TSHZ3: variants seen among roughly 807,000 people sequenced by gnomAD.
The protein encoded by TSHZ3 is teashirt zinc finger homeobox 3, also known as teashirt homolog 3.
A neutral mutation model predicts 64.5 loss-of-function variants in TSHZ3; 10 were observed. That is an observed-to-expected ratio of 0.16 (90% CI 0.10 to 0.26). TSHZ3 has a LOEUF of 0.26. TSHZ3 is among the 10% of genes least tolerant of loss of function. The pLI is 1.00. For missense variants in TSHZ3, 1,242 were observed against 1,421.7 expected (o/e 0.87, Z 2.03); for synonymous variants, 608 against 593.1 (o/e 1.03, Z -0.36).
chr19:31,240,773 T>C (rs1975677735), intron 3 of TSHZ3, among the ~76,000 whole-genome samples: 1 of 152,194 alleles, frequency 6.6e-6, no homozygotes, highest in African/African-American at 2.4e-5. Context: ...TCCTTCTTTC[T>C]CTGCCCAGTT....
At chr19:31,299,789 G>A (rs1339938346) in intron 1 of TSHZ3, among the ~76,000 whole-genome samples, 2 of 152,160 alleles carry the variant, frequency 1.3e-5, no homozygotes, top group Non-Finnish European at 2.9e-5. Flanking sequence ...ACTGGGTCCG[G>A]GACCCAAGTC....
rs1342719454 is a variant in TSHZ3, at chr19:31,279,082, C to A, written c.711G>T (p.Gly237=). 4 of 1,614,036 alleles carry A rather than the reference C, an allele frequency of 2.5e-6. No individual in the cohort carries two copies. The East Asian group carries it at 6.7e-5, about 27-fold the overall frequency. Residue 237 remains glycine (G), a synonymous_variant, in exon 2 of 2, where the codon GGG becomes GGT. Transcript: ENST00000240587. The surrounding 1 kb of genome is among the most constrained non-coding windows in gnomAD (Gnocchi z 6.4). The stretch of plus-strand genomic sequence containing the variant: ...TCTCATGGTTGTCGTCGCGGTAATG[C>A]CCCGTCTCGTTCATGTGCACCGTCA... ...VELTVHMNET[G]HYRDDNHETD...
At chr19:31,256,382 A>G (rs73927323) in intron 1 of TSHZ3, among the ~76,000 whole-genome samples, 2,050 of 152,184 alleles carry the variant, frequency 0.013, 50 homozygotes, top group African/African-American at 0.046. Context: ...TGCAGTAGAC[A>G]GAGAGAAAGA....
chr19:31,183,989 TAA>T (rs1376930861), intron 5 of TSHZ3, among the ~76,000 whole-genome samples: 2 of 152,142 alleles, frequency 1.3e-5, no homozygotes, highest in East Asian at 3.9e-4. Context: ...TTGATAATGA[TAA>T]AGTCTCATAA....
chr19:31,260,652 G>A (rs1242721884), intron 1 of TSHZ3, among the ~76,000 whole-genome samples: 5 of 152,224 alleles, frequency 3.3e-5, no homozygotes, highest in Admixed American at 1.3e-4. Flanking sequence ...CATCTACTAT[G>A]TGCCAGGCAC....
At chr19:31,183,191 T>C (rs1974746472) in intron 5 of TSHZ3, among the ~76,000 whole-genome samples, 1 of 59,928 alleles carries the variant, frequency 1.7e-5, no homozygotes, top group African/African-American at 1.4e-4. Context: ...TCTCTCTCTC[T>C]CTCTCTCTCT....
intron 1 of TSHZ3, among the ~76,000 whole-genome samples, chr19:31,326,136 CA>C (rs1453260874): frequency 6.6e-6 from 1 of 152,158 alleles, no homozygotes; most frequent in East Asian, 1.9e-4. Flanking sequence ...ACAGGTACAA[CA>C]TGGAGTGTAA....
intron 1 of TSHZ3, among the ~76,000 whole-genome samples, chr19:31,289,916 T>C (rs972994916): frequency 5.9e-5 from 9 of 152,334 alleles, no homozygotes; most frequent in Non-Finnish European, 1.2e-4. Context: ...TCTGGATGAA[T>C]TGATTCATTT....
chr19:31,222,789 T>TTAG lies in TSHZ3; in HGVS notation n.686+5215_686+5216insCTA, dbSNP rs1490519764. 6.2e-4 allele frequency among the ~76,000 whole-genome samples: 94 copies of TTAG among 152,328 alleles called. 2 individuals are homozygous for TTAG. In the East Asian group the frequency reaches 0.017, roughly 28 times the overall value. Reference sequence around the variant, plus strand: ...CATTAGCTTTGCCCTGGGAATCTCGTCTCTTGTCCTTCTCCATTTCTATTT... The same window carrying TTAG: ...CATTAGCTTTGCCCTGGGAATCTCGTTAGCTCTTGTCCTTCTCCATTTCTATTT... On this transcript the variant is annotated intron_variant and non_coding_transcript_variant, in intron 4 of 6. Transcript: ENST00000651361.
chr19:31,344,215 C>T (rs955786852), intron 1 of TSHZ3, among the ~76,000 whole-genome samples: 4 of 152,064 alleles, frequency 2.6e-5, no homozygotes, highest in Admixed American at 2.6e-4. Flanking sequence ...AGAGTGAACA[C>T]CTGCAAGGGT....
Position 31,276,929 on chromosome 19 carries a change from T to C in TSHZ3, c.2864A>G (p.Tyr955Cys). 2.5e-6 allele frequency: 4 copies of C among 1,614,216 alleles called. No individual in the cohort carries two copies. Among genetic ancestry groups the C allele is most frequent in the Non-Finnish European group, 3.4e-6 (4 of 1,180,036 alleles). The stretch of plus-strand genomic sequence containing the variant: ...TGTTCCACCTGTCCTTCGAAGCTGG[T>C]ATTTCACGTTGGCCAGCCAGTGGCT... The part of the protein sequence containing the change: ...TISHWLANVK[Y>C]QLRRTGGTKF... The change falls in exon 2 of 2, where the codon TAC (tyrosine) becomes TGC (cysteine). Residue 955 changes from tyrosine (Y) to cysteine (C), a missense_variant. By Grantham distance (194) the Tyr-to-Cys change is radical. Transcript: ENST00000240587.
intron 1 of TSHZ3, among the ~76,000 whole-genome samples, chr19:31,249,721 A>C (rs112879382): frequency 0.03 from 4,623 of 152,212 alleles, 232 homozygotes; most frequent in African/African-American, 0.1. Flanking sequence ...TTCAGGATGG[A>C]GGGAGACCCC....
chr19:31,162,484 A>G (rs114980272), intron 5 of TSHZ3, among the ~76,000 whole-genome samples: 1,593 of 152,256 alleles, frequency 0.01, 33 homozygotes, highest in African/African-American at 0.036. Context: ...GAATGAGTAA[A>G]TGGATGACGG....
chr19:31,176,122 A>G (rs577411855), intron 5 of TSHZ3, among the ~76,000 whole-genome samples: 14 of 152,188 alleles, frequency 9.2e-5, no homozygotes, highest in African/African-American at 2.9e-4. Context: ...GTAAAAAGAG[A>G]GGGATCTCTA....
intron 1 of TSHZ3, among the ~76,000 whole-genome samples, chr19:31,263,539 C>T (rs556494231): frequency 5.3e-4 from 80 of 152,332 alleles, no homozygotes; most frequent in South Asian, 1.0e-3. Flanking sequence ...CAGGGCAAGA[C>T]GTGCCCTGTG....
chr19:31,220,354 G>T (rs1213776046), intron 4 of TSHZ3, among the ~76,000 whole-genome samples: 1 of 152,186 alleles, frequency 6.6e-6, no homozygotes, highest in Non-Finnish European at 1.5e-5. Flanking sequence ...TGATGGTATG[G>T]GAGACTTGCA....
intron 3 of TSHZ3, among the ~76,000 whole-genome samples, chr19:31,238,419 C>T (rs1293974615): frequency 6.6e-6 from 1 of 152,012 alleles, no homozygotes; most frequent in Non-Finnish European, 1.5e-5. Flanking sequence ...CTACACCTGG[C>T]TAATTTTTGC....
chr19:31,293,392 C>G (rs904931508), intron 1 of TSHZ3, among the ~76,000 whole-genome samples: 1 of 152,126 alleles, frequency 6.6e-6, no homozygotes, highest in East Asian at 1.9e-4. Flanking sequence ...CCCACTTTAC[C>G]TTCTATGTTT....
At chr19:31,311,307 C>T (rs1370079212) in intron 1 of TSHZ3, among the ~76,000 whole-genome samples, 1 of 152,196 alleles carries the variant, frequency 6.6e-6, no homozygotes, top group Non-Finnish European at 1.5e-5. Context: ...CCCCTATAGC[C>T]CACTCACCCC....
Sources: allele counts gnomAD v4.1 joint callset (sites outside exome capture counted in the v4.1 genomes callset), GRCh38; gene constraint gnomAD v4.1.1; non-coding constraint Gnocchi (gnomAD v3.1); transcripts MANE v1.5; gene names NCBI Gene and HGNC (gene_info 2026-07-23, HGNC 2026-07-21).